Variants in GC observed in about 807,000 individuals in gnomAD.
GC encodes GC vitamin D binding protein.
A neutral mutation model predicts 56.7 loss-of-function variants in GC; 43 were observed. The observed-to-expected ratio is 0.76, with a 90% CI of 0.59 to 0.98. GC has a LOEUF of 0.98. Ranked by LOEUF, GC falls within the 50% of genes least tolerant of loss-of-function variation. The probability of loss-of-function intolerance (pLI) is 0.00; values close to 1 mark genes in which losing one functional copy is unlikely to be tolerated. For synonymous variants in GC, 216 were observed against 202.7 expected, an observed-to-expected ratio of 1.07 and a Z score of -0.56; for missense variants, 529 against 545.9, an observed-to-expected ratio of 0.97 and a Z score of 0.31.
intron 6 of GC, among the ~76,000 whole-genome samples, chr4:71,761,800 G>A (rs1215092852): frequency 1.3e-5 from 2 of 152,184 alleles, no homozygotes; most frequent in African/African-American, 2.4e-5. Context: ...ATGTGGTGTT[G>A]AGCCTGCGGA....
intron 6 of GC, among the ~76,000 whole-genome samples, chr4:71,761,032 A>G (rs1741955458): frequency 6.6e-6 from 1 of 152,202 alleles, no homozygotes; most frequent in Non-Finnish European, 1.5e-5. Flanking sequence ...AAAATGTGGA[A>G]GTGACTTTGG....
At chr4:71,781,928 G>C (rs925027436) in intron 1 of GC, among the ~76,000 whole-genome samples, 2 of 151,726 alleles carry the variant, frequency 1.3e-5, no homozygotes, top group African/African-American at 4.8e-5. Flanking sequence ...GGTTTCCAAA[G>C]AATAGTTCCA....
upstream of GC, among the ~76,000 whole-genome samples, chr4:71,805,353 A>C (rs553067649): frequency 1.1e-3 from 170 of 152,240 alleles, 3 homozygotes; most frequent in South Asian, 0.014. Flanking sequence ...TTTGTTCTCA[A>C]GGGTTCTGTC....
intron 11 of GC, among the ~76,000 whole-genome samples, chr4:71,748,157 GT>G (rs1183742034): frequency 1.3e-5 from 2 of 152,070 alleles, no homozygotes; most frequent in Non-Finnish European, 2.9e-5. Context: ...ATCTAGAATT[GT>G]TTTGGGTTAT....
chr4:71,783,898 G>T, intron 1 of GC, 63 bp downstream of exon 1: 1 of 1,217,270 alleles, frequency 8.2e-7, no homozygotes, highest in Non-Finnish European at 1.1e-6. Flanking sequence ...CATTTTTTAA[G>T]TGATAATATA....
At chr4:71,757,195 A>T (rs1008162686) in intron 7 of GC, among the ~76,000 whole-genome samples, 2 of 152,192 alleles carry the variant, frequency 1.3e-5, no homozygotes, top group Non-Finnish European at 2.9e-5. Context: ...TGCCTAAAAT[A>T]TTTTAAAAAA....
rs1332637756 is a variant in GC at position 71,752,594 on chromosome 4, T to C, written c.1319A>G (p.Lys440Arg). Residue 440 changes from lysine (K) to arginine (R), a missense_variant, in exon 11 of 13, where the codon AAG (lysine) becomes AGG (arginine). By Grantham distance (26) the Lys-to-Arg change is conservative. Coordinates refer to ENST00000273951, the MANE Select transcript of GC (RefSeq NM_000583.4). ...AAAGTCTGAGTGCTTGTTAACCAGCTTTGCCAGTTCCGTGGGTGTGGCATC... is the reference window on the plus strand; with the variant it reads ...AAAGTCTGAGTGCTTGTTAACCAGCCTTGCCAGTTCCGTGGGTGTGGCATC... Reference protein sequence around the residue: ...LPDATPTELAKLVNKHSDFAS... With the variant: ...LPDATPTELARLVNKHSDFAS... 1.9e-6 allele frequency: 3 copies of C among 1,613,446 alleles called. No homozygotes were observed. Among genetic ancestry groups the C allele is most frequent in the South Asian group, 1.1e-5 (1 of 91,076 alleles).
rs1406955020 is a variant in GC at position 71,741,810 on chromosome 4, C to G, written c.*86G>C. ...TATCCTAGTTGTCTTCCCAGAAGCT[C>G]AGTGGTTTTGCTTAGGTTAGGTCAT... On this transcript the variant is annotated 3_prime_UTR_variant, in exon 13 of 13. Transcript: ENST00000273951. 1.4e-6 allele frequency: 1 copy of G among 702,868 alleles called. No homozygotes were observed. The highest frequency in any genetic ancestry group is 2.6e-6 in the Non-Finnish European group (1 of 384,966). The allele number at this position is 702,868 out of a possible 1,614,324, so 43.5% of individuals were successfully genotyped here. A position where few individuals can be genotyped will look rare whatever the true frequency, so the allele number is the denominator to read the frequency against.
intron 6 of GC, among the ~76,000 whole-genome samples, chr4:71,761,411 G>A (rs145593292): frequency 0.015 from 2,240 of 152,226 alleles, 53 homozygotes; most frequent in African/African-American, 0.05. Flanking sequence ...GTTTCAAAAG[G>A]GAAGCAGAGC....
chr4:71,746,733 C>T (rs1261475613), intron 11 of GC, among the ~76,000 whole-genome samples: 2 of 118,846 alleles, frequency 1.7e-5, no homozygotes, highest in African/African-American at 3.3e-5. Flanking sequence ...CAAGTCACTA[C>T]TTGGAGAAGA....
intron 1 of GC, among the ~76,000 whole-genome samples, chr4:71,792,366 C>T (rs961476810): frequency 3.9e-5 from 6 of 152,218 alleles, no homozygotes; most frequent in East Asian, 3.9e-4. Context: ...TTCTAACTGG[C>T]GTGAGATGGT....
At chr4:71,797,715 C>T (rs1578326265) in intron 1 of GC, among the ~76,000 whole-genome samples, 2 of 152,334 alleles carry the variant, frequency 1.3e-5, no homozygotes, top group South Asian at 4.1e-4. Context: ...AACCAGGTAC[C>T]GCAGTTGGAA....
intron 6 of GC, chr4:71,759,517 G>T (rs1741895086): frequency 6.6e-6 from 1 of 152,138 alleles, no homozygotes; most frequent in East Asian, 1.9e-4. Context: ...GTTATGGTTT[G>T]CATTTCCCCC....
chr4:71,753,593 A>C (rs1741625284), intron 10 of GC, among the ~76,000 whole-genome samples: 1 of 152,140 alleles, frequency 6.6e-6, no homozygotes, highest in African/African-American at 2.4e-5. Flanking sequence ...CCAAGAACCC[A>C]GTACCACTTC....
At chr4:71,772,190 A>G (rs1184446583) in intron 1 of GC, among the ~76,000 whole-genome samples, 1 of 152,174 alleles carries the variant, frequency 6.6e-6, no homozygotes, top group Non-Finnish European at 1.5e-5. Context: ...GCGAGAGATT[A>G]TAAGGAATAT....
chr4:71,746,791 A>AAAAAAAAAAC (rs1741387240), intron 11 of GC, among the ~76,000 whole-genome samples: 1 of 151,482 alleles, frequency 6.6e-6, no homozygotes, highest in South Asian at 2.1e-4. Context: ...AAAAAAAAAA[A>AAAAAAAAAAC]AAAACTACTT....
In GC at chr4:71,760,306, C is replaced by A. The variant is rs191472623; in HGVS notation, c.702-2135G>T. Among the ~76,000 whole-genome samples, 461 of 151,826 alleles carry A rather than the reference C, an allele frequency of 3.0e-3. 3 individuals are homozygous for A. Among genetic ancestry groups the A allele is most frequent in the Non-Finnish European group, 4.3e-3 (289 of 67,956 alleles). ...TGACCTTGTGAACCACCTGCTTTGG[C>A]CTCCCAAAGTGCTGGGATTACAGGT... On this transcript the variant is annotated intron_variant, in intron 6 of 12. Coordinates refer to ENST00000273951, the MANE Select transcript of GC (RefSeq NM_000583.4).
chr4:71,754,938 T>G, intron 9 of GC, 40 bp downstream of exon 9: 1 of 1,470,402 alleles, frequency 6.8e-7, no homozygotes, highest in Non-Finnish European at 9.1e-7. Flanking sequence ...TTTCCAACCC[T>G]TGATCTATGT....
In GC at chr4:71,746,785, A is replaced by C. The variant is rs902250409; in HGVS notation, c.1396-580T>G. ...ACCTCTATTTTGTAAAAAAAAAAAA[A>C]AAAAAAAAAACTACTTTAATTTGGA... is the stretch of plus-strand genomic sequence containing the variant. On this transcript the variant is annotated intron_variant, in intron 11 of 12. Coordinates refer to ENST00000273951, the MANE Select transcript of GC (RefSeq NM_000583.4). Among the ~76,000 whole-genome samples, 9 of 150,984 alleles carry C rather than the reference A, an allele frequency of 6.0e-5. No homozygotes were observed. In the East Asian group the frequency reaches 1.2e-3, roughly 20 times the overall value.
Sources: gnomAD v4.1 joint callset for allele counts (sites outside exome capture counted in the v4.1 genomes callset) on GRCh38, gnomAD v4.1.1 for gene constraint, MANE v1.5 for transcripts, NCBI Gene and HGNC (gene_info 2026-07-23, HGNC 2026-07-21) for gene names.